The following CTNNA3 variants were observed in gnomAD, a reference collection of about 807,000 sequenced individuals.
CTNNA3 encodes catenin alpha-3.
In CTNNA3, 76 loss-of-function variants were observed where a neutral mutation model predicts 95.7. The ratio of observed to expected loss-of-function variants is 0.79; its 90% confidence interval spans 0.66 to 0.96. The LOEUF (loss-of-function observed/expected upper bound fraction) is 0.96. Ranked by LOEUF, CTNNA3 falls within the 40% of genes least tolerant of loss-of-function variation. CTNNA3 has a pLI of 0.00. For synonymous variants in CTNNA3, 431 were observed against 374.4 expected (o/e 1.15, Z -1.74); for missense variants, 1,191 against 1,089.8 (o/e 1.09, Z -1.31).
At chr10:67,224,941 C>T (rs189271208) in intron 5 of CTNNA3, among the ~76,000 whole-genome samples, 80 of 152,270 alleles carry the variant, frequency 5.3e-4, no homozygotes, top group Non-Finnish European at 9.4e-4. Context: ...AGAACCAGGC[C>T]GTTTTCATTT....
chr10:67,021,098 T>C (rs1254759998), intron 7 of CTNNA3, among the ~76,000 whole-genome samples: 1 of 152,204 alleles, frequency 6.6e-6, no homozygotes, highest in African/African-American at 2.4e-5. Context: ...TTGTAACTAT[T>C]ACTCTGACAG....
At chr10:65,969,115 G>A (rs900584233) in intron 16 of CTNNA3, among the ~76,000 whole-genome samples, 10 of 152,124 alleles carry the variant, frequency 6.6e-5, no homozygotes, top group South Asian at 4.1e-4. Context: ...GAACTGAACC[G>A]CCCAATATGA....
At chr10:67,534,422 A>G (rs1232752605) in intron 4 of CTNNA3, among the ~76,000 whole-genome samples, 2 of 152,168 alleles carry the variant, frequency 1.3e-5, no homozygotes, top group African/African-American at 4.8e-5. Flanking sequence ...AGAGATAACT[A>G]TTCTTTACTG....
intron 15 of CTNNA3, among the ~76,000 whole-genome samples, chr10:66,013,047 T>C (rs375444872): frequency 4.9e-4 from 74 of 152,272 alleles, no homozygotes; most frequent in African/African-American, 1.7e-3. Context: ...ATTACAGGCA[T>C]GTGCCATGAC....
At chr10:67,113,385 T>A (rs746064803) in intron 7 of CTNNA3, among the ~76,000 whole-genome samples, 1 of 152,264 alleles carries the variant, frequency 6.6e-6, no homozygotes, top group East Asian at 1.9e-4. Flanking sequence ...ACATATAAGA[T>A]GTGTGGAAAA....
At chr10:66,143,824 A>T (rs77327911) in intron 13 of CTNNA3, among the ~76,000 whole-genome samples, 3,567 of 152,310 alleles carry the variant, frequency 0.023, 66 homozygotes, top group Non-Finnish European at 0.034. Context: ...TTTTAAAGAT[A>T]TATATGTTAC....
At chr10:67,621,300 C>T (rs1226535458) in intron 2 of CTNNA3, among the ~76,000 whole-genome samples, 2 of 152,156 alleles carry the variant, frequency 1.3e-5, no homozygotes, top group African/African-American at 4.8e-5. Flanking sequence ...CTACTTAGTA[C>T]TCTTCCTCCA....
chr10:66,722,620 A>G (rs1248349157), intron 9 of CTNNA3, among the ~76,000 whole-genome samples: 1 of 148,226 alleles, frequency 6.7e-6, no homozygotes, highest in East Asian at 2.0e-4. Context: ...TTGCTTTTAC[A>G]CTCTGCATCT....
intron 1 of CTNNA3, among the ~76,000 whole-genome samples, chr10:67,650,194 G>A (rs948990624): frequency 3.9e-5 from 6 of 152,070 alleles, no homozygotes; most frequent in Admixed American, 2.0e-4. Context: ...CCTCCCAAAC[G>A]ATTCAAGAAT....
intron 16 of CTNNA3, among the ~76,000 whole-genome samples, chr10:65,979,155 A>G (rs563384353): frequency 2.3e-4 from 35 of 152,268 alleles, no homozygotes; most frequent in African/African-American, 8.2e-4. Flanking sequence ...TGAGTTTAAG[A>G]ATTGTTTCAA....
intron 9 of CTNNA3, among the ~76,000 whole-genome samples, chr10:66,699,437 G>A (rs936011470): frequency 6.6e-6 from 1 of 151,622 alleles, no homozygotes; most frequent in African/African-American, 2.4e-5. Context: ...CTTAATAGGT[G>A]TGAGGTGATA....
At position 66,646,251 on chromosome 10, in the gene CTNNA3, A is replaced by G. The variant is rs190702336; in HGVS notation, c.1282-24467T>C. On this transcript the variant is annotated intron_variant, in intron 9 of 17. Transcript: ENST00000433211. ...ATGAAAAAAATTGATGTGAAAAAAT[A>G]GAATATCCACTTGAACCATACATGC... Among the ~76,000 whole-genome samples the G allele has an allele frequency of 5.3e-4, 81 of 152,324 alleles. No individual in the cohort carries two copies. The East Asian group carries it at 0.013, about 24-fold the overall frequency.
intron 7 of CTNNA3, among the ~76,000 whole-genome samples, chr10:67,103,350 CTGT>C (rs1858449954): frequency 6.6e-6 from 1 of 151,920 alleles, no homozygotes; most frequent in Admixed American, 6.6e-5. Context: ...TCCTGACAGA[CTGT>C]TGTTTATAGA....
chr10:67,542,512 C>T (rs1840712873), intron 3 of CTNNA3, among the ~76,000 whole-genome samples: 1 of 151,982 alleles, frequency 6.6e-6, no homozygotes, highest in Non-Finnish European at 1.5e-5. Flanking sequence ...GAACATTATT[C>T]AACTTTTCTT....
At chr10:67,271,075 G>A (rs1176771890) in intron 5 of CTNNA3, among the ~76,000 whole-genome samples, 1 of 152,144 alleles carries the variant, frequency 6.6e-6, no homozygotes, top group African/African-American at 2.4e-5. Context: ...ATATGCATGA[G>A]TGAACAAACA....
At chr10:66,688,819 A>G (rs1847400738) in intron 9 of CTNNA3, among the ~76,000 whole-genome samples, 1 of 151,282 alleles carries the variant, frequency 6.6e-6, no homozygotes, top group South Asian at 2.1e-4. Context: ...AAAATACAAA[A>G]AAAAATTAGC....
intron 7 of CTNNA3, among the ~76,000 whole-genome samples, chr10:66,909,171 C>T (rs1846116914): frequency 6.6e-6 from 1 of 152,048 alleles, no homozygotes; most frequent in South Asian, 2.1e-4. Context: ...GAATTGTCCC[C>T]AAATTGCCCC....
At chr10:66,493,903 CTTTTTTTTTTTT>C (rs1181967222) in intron 11 of CTNNA3, among the ~76,000 whole-genome samples, 3 of 98,146 alleles carry the variant, frequency 3.1e-5, no homozygotes, top group Non-Finnish European at 5.7e-5. Context: ...CTGCGCCGGC[CTTTTTTTTTTTT>C]TTTTTTTTTT....
chr10:67,152,039 A>G (rs1349076538), intron 7 of CTNNA3, among the ~76,000 whole-genome samples: 1 of 152,188 alleles, frequency 6.6e-6, no homozygotes, highest in Middle Eastern at 3.2e-3. Flanking sequence ...TCCATATTGT[A>G]AGAGTTTATA....
Sources: allele counts gnomAD v4.1 joint callset (sites outside exome capture counted in the v4.1 genomes callset), GRCh38; gene constraint gnomAD v4.1.1; transcripts MANE v1.5; gene names NCBI Gene and HGNC (gene_info 2026-07-23, HGNC 2026-07-21).